OTOGL: variants seen among roughly 807,000 people sequenced by gnomAD.
The protein encoded by OTOGL is otogelin like, also known as otogelin-like protein.
Under a neutral mutation model 318.5 loss-of-function variants are expected in OTOGL, and 285 were observed. The observed-to-expected ratio is 0.89, with a 90% CI of 0.81 to 0.99. OTOGL has a LOEUF of 0.99. Among genes scored for constraint, OTOGL ranks in the 50% least tolerant of loss-of-function variants. OTOGL has a pLI of 0.00. For synonymous variants in OTOGL, 987 were observed against 936.5 expected, an observed-to-expected ratio of 1.05 and a Z score of -0.99; for missense variants, 2,899 against 2,845.6, an observed-to-expected ratio of 1.02 and a Z score of -0.43.
chr12:80,221,083 T>C (rs1878278901), intron 6 of OTOGL, among the ~76,000 whole-genome samples: 1 of 152,054 alleles, frequency 6.6e-6, no homozygotes, highest in Non-Finnish European at 1.5e-5. Context: ...GCTCAGTGAA[T>C]GTTACTGGTT....
intron 27 of OTOGL, among the ~76,000 whole-genome samples, chr12:80,300,280 T>G: frequency 6.6e-6 from 1 of 150,822 alleles, no homozygotes; most frequent in South Asian, 2.2e-4. Flanking sequence ...GAGCACACCC[T>G]GTCAGTGCTG....
intron 24 of OTOGL, among the ~76,000 whole-genome samples, chr12:80,276,209 C>A (rs1471551807): frequency 6.6e-6 from 1 of 151,708 alleles, no homozygotes; most frequent in Non-Finnish European, 1.5e-5. Flanking sequence ...ACTTAAACAA[C>A]TGAACAATTA....
chr12:80,162,792 A>G (rs1430043283), intron 1 of OTOGL, among the ~76,000 whole-genome samples: 1 of 151,800 alleles, frequency 6.6e-6, no homozygotes, highest in East Asian at 1.9e-4. Flanking sequence ...TTACTTTCTG[A>G]GGTACTTGGC....
chr12:80,164,677 G>A (rs1245015), intron 1 of OTOGL, among the ~76,000 whole-genome samples: 104,158 of 151,900 alleles, frequency 0.69, 36,984 homozygotes, highest in East Asian at 0.81. Flanking sequence ...TTGTATTAAC[G>A]CATCCCTGTT....
chr12:80,277,336 AATAT>A (rs1338633387), intron 24 of OTOGL, among the ~76,000 whole-genome samples: 1 of 147,250 alleles, frequency 6.8e-6, no homozygotes, highest in South Asian at 2.1e-4. Flanking sequence ...AGAATATTGA[AATAT>A]ATATTTATAT....
rs535951538 is a variant in OTOGL at position 80,274,440 on chromosome 12, G to T, written c.2681+2630G>T. On this transcript the variant is annotated intron_variant, in intron 24 of 58. Coordinates refer to ENST00000547103, the MANE Select transcript of OTOGL (RefSeq NM_001378609.3). Reference sequence around the variant, plus strand: ...CTTTTCAATTCTATAATGGCTGAGGGAGGTGACAAAGCTGCAGAAGAAAAG... The same window carrying T: ...CTTTTCAATTCTATAATGGCTGAGGTAGGTGACAAAGCTGCAGAAGAAAAG... 3.8e-4 allele frequency among the ~76,000 whole-genome samples: 58 copies of T among 152,130 alleles called. No individual in the cohort carries two copies. The South Asian group carries it at 0.012, about 30-fold the overall frequency.
At chr12:80,348,302 G>T (rs182479395) in intron 44 of OTOGL, among the ~76,000 whole-genome samples, 73 of 152,222 alleles carry the variant, frequency 4.8e-4, no homozygotes, top group African/African-American at 1.7e-3. Context: ...TTTATATAAG[G>T]TGTAAGGAGG....
At chr12:80,249,317 T>C (rs1279343522) in intron 11 of OTOGL, among the ~76,000 whole-genome samples, 1 of 151,464 alleles carries the variant, frequency 6.6e-6, no homozygotes, top group African/African-American at 2.5e-5. Context: ...TGGTCTTTGA[T>C]GATGGTGATA....
intron 17 of OTOGL, 73 bp from the exon 18 acceptor site, chr12:80,257,752 G>A (rs1206203816): frequency 7.9e-7 from 1 of 1,265,832 alleles, no homozygotes; most frequent in African/African-American, 1.5e-5. Flanking sequence ...GAGAGTCCTG[G>A]TGGTGTACCC....
intron 43 of OTOGL, among the ~76,000 whole-genome samples, chr12:80,339,817 G>A (rs1302590792): frequency 2.0e-5 from 3 of 151,960 alleles, no homozygotes; most frequent in African/African-American, 7.2e-5. Flanking sequence ...ATTACATCTA[G>A]GTTTAATATT....
chr12:80,154,315 G>T (rs1018328756), intron 1 of OTOGL, among the ~76,000 whole-genome samples: 1 of 151,834 alleles, frequency 6.6e-6, no homozygotes, highest in Non-Finnish European at 1.5e-5. Context: ...TTAAAAAGGG[G>T]GGGAAAAAGA....
At chr12:80,371,007 G>T (rs1455601298) in intron 56 of OTOGL, among the ~76,000 whole-genome samples, 1 of 151,982 alleles carries the variant, frequency 6.6e-6, no homozygotes, top group Non-Finnish European at 1.5e-5. Flanking sequence ...AGGAATCAGA[G>T]CTTGGCCAAT....
chr12:80,207,466 A>G (rs1876898947), intron 1 of OTOGL, among the ~76,000 whole-genome samples: 1 of 152,120 alleles, frequency 6.6e-6, no homozygotes, highest in African/African-American at 2.4e-5. Flanking sequence ...CGGCCTCCCA[A>G]AGTGCTGGGA....
intron 1 of OTOGL, among the ~76,000 whole-genome samples, chr12:80,149,676 G>A (rs985838622): frequency 3.0e-4 from 45 of 152,072 alleles, no homozygotes; most frequent in African/African-American, 9.2e-4. Context: ...CCTCGCTGCC[G>A]CCTTGCAGTT....
At chr12:80,305,739 A>G (rs1886068178) in intron 29 of OTOGL, 44 bp downstream of exon 29, 2 of 1,372,902 alleles carry the variant, frequency 1.5e-6, no homozygotes, top group Non-Finnish European at 1.9e-6. Context: ...AAAATTTTTA[A>G]GAATATTTTT....
At chr12:80,214,148 T>C (rs1442617116) in intron 4 of OTOGL, among the ~76,000 whole-genome samples, 1 of 152,206 alleles carries the variant, frequency 6.6e-6, no homozygotes. Context: ...CCTGGGACTT[T>C]TTTGCATTGG....
intron 1 of OTOGL, among the ~76,000 whole-genome samples, chr12:80,180,719 GT>G (rs1555274131): frequency 2.0e-5 from 3 of 152,066 alleles, no homozygotes; most frequent in Admixed American, 6.6e-5. Context: ...GGCCAATAAT[GT>G]TTTTTTTGCC....
At chr12:80,240,151 A>G (rs1210014857) in intron 11 of OTOGL, among the ~76,000 whole-genome samples, 1 of 152,056 alleles carries the variant, frequency 6.6e-6, no homozygotes, top group Non-Finnish European at 1.5e-5. Flanking sequence ...GGTTGATTCC[A>G]TATTTTGTCT....
At chr12:80,260,153 C>A (rs1465365916) in intron 18 of OTOGL, among the ~76,000 whole-genome samples, 1 of 152,034 alleles carries the variant, frequency 6.6e-6, no homozygotes. Flanking sequence ...AGTGGGGCAT[C>A]AGGAAGATAG....
Sources: gnomAD v4.1 joint callset for allele counts (sites outside exome capture counted in the v4.1 genomes callset) on GRCh38, gnomAD v4.1.1 for gene constraint, MANE v1.5 for transcripts, NCBI Gene and HGNC (gene_info 2026-07-23, HGNC 2026-07-21) for gene names.